The following CYP7B1 variants were observed in gnomAD, a reference collection of about 807,000 sequenced individuals.
The protein encoded by CYP7B1 is cytochrome P450 7B1.
In CYP7B1, 29 loss-of-function variants were observed where a neutral mutation model predicts 42.7. That is an observed-to-expected ratio of 0.68 (90% CI 0.51 to 0.93). The LOEUF (loss-of-function observed/expected upper bound fraction) is 0.93. Among genes scored for constraint, CYP7B1 ranks in the 40% least tolerant of loss-of-function variants. The pLI, the probability that CYP7B1 is intolerant of heterozygous loss-of-function variation, is 0.00. For synonymous variants in CYP7B1, 235 were observed against 218.2 expected (o/e 1.08, Z -0.68); for missense variants, 655 against 600.5 (o/e 1.09, Z -0.95).
chr8:64,634,949 A>G (rs1017475903), intron 1 of CYP7B1, among the ~76,000 whole-genome samples: 5 of 152,166 alleles, frequency 3.3e-5, no homozygotes, highest in Non-Finnish European at 7.3e-5. Flanking sequence ...TCCTTTGACA[A>G]CCTCAGCAGG....
At chr8:64,759,190 T>C (rs1043630113) in intron 1 of CYP7B1, among the ~76,000 whole-genome samples, 5 of 152,200 alleles carry the variant, frequency 3.3e-5, no homozygotes, top group African/African-American at 9.6e-5. Flanking sequence ...TATTCTTAAA[T>C]GTGGCAAACT....
At chr8:64,675,234 T>A (rs1806428001) in intron 1 of CYP7B1, among the ~76,000 whole-genome samples, 2 of 152,052 alleles carry the variant, frequency 1.3e-5, no homozygotes, top group African/African-American at 2.4e-5. Context: ...ACCTAGTCCT[T>A]CTACTAGGTC....
At chr8:64,715,303 C>T (rs187992130) in intron 1 of CYP7B1, among the ~76,000 whole-genome samples, 75 of 152,090 alleles carry the variant, frequency 4.9e-4, no homozygotes, top group Non-Finnish European at 1.8e-4. Context: ...ATCTTTTGGG[C>T]GAAGAGGTGG....
intron 1 of CYP7B1, among the ~76,000 whole-genome samples, chr8:64,684,016 C>T (rs894572945): frequency 8.5e-5 from 13 of 152,300 alleles, no homozygotes; most frequent in African/African-American, 3.1e-4. Context: ...CTCTCCCTTA[C>T]CTTCATTCCT....
At chr8:64,752,140 T>C (rs1204879928) in intron 1 of CYP7B1, among the ~76,000 whole-genome samples, 2 of 150,718 alleles carry the variant, frequency 1.3e-5, no homozygotes, top group East Asian at 3.9e-4. Context: ...TGCCAGCAGA[T>C]GCCACTACCT....
chr8:64,661,198 T>C (rs1196259455), intron 1 of CYP7B1, among the ~76,000 whole-genome samples: 1 of 152,224 alleles, frequency 6.6e-6, no homozygotes, highest in East Asian at 1.9e-4. Flanking sequence ...TCACTGTAAT[T>C]TGCACATATT....
At chr8:64,728,121 T>C (rs1409100016) in intron 1 of CYP7B1, 1 of 152,246 alleles carries the variant, frequency 6.6e-6, no homozygotes, top group Non-Finnish European at 1.5e-5. Context: ...AGGAACTGTC[T>C]CTGCACATAA....
Position 64,615,963 on chromosome 8 carries a change from A to C in CYP7B1, c.578T>G (p.Phe193Cys). The C allele has an allele frequency of 1.2e-6, 2 of 1,613,702 alleles. No homozygotes were observed. Among genetic ancestry groups the C allele is most frequent in the Non-Finnish European group, 8.5e-7 (1 of 1,179,808 alleles). ...AATAACTTTTCCATATATAGTTGTA[A>C]ATGTGATCTCAAATATTATTGAGCT... ...FCSSIIFEIT[F>C]TTIYGKVIVC... is the part of the protein sequence containing the mutation. The change falls in exon 3 of 6, where the codon TTT (phenylalanine) becomes TGT (cysteine). Residue 193 changes from phenylalanine to cysteine, a missense_variant. Physicochemically the swap from Phe to Cys is radical, Grantham distance 205. Transcript: ENST00000310193.
chr8:64,736,870 A>T (rs1366192285), intron 1 of CYP7B1, among the ~76,000 whole-genome samples: 2 of 152,130 alleles, frequency 1.3e-5, no homozygotes, highest in Non-Finnish European at 2.9e-5. Flanking sequence ...TGTCTATAAC[A>T]GATATGTTAT....
At chr8:64,606,977 T>C (rs1343063787) in intron 4 of CYP7B1, among the ~76,000 whole-genome samples, 4 of 152,168 alleles carry the variant, frequency 2.6e-5, no homozygotes, top group African/African-American at 9.7e-5. Context: ...CTACTTGTAG[T>C]TGTCATAGTT....
At chr8:64,611,223 GC>G (rs990733869) in intron 4 of CYP7B1, among the ~76,000 whole-genome samples, 2 of 152,044 alleles carry the variant, frequency 1.3e-5, no homozygotes, top group African/African-American at 4.8e-5. Flanking sequence ...AAAAGCATGG[GC>G]GTGGTCAGAA....
At chr8:64,609,254 T>C (rs945550986) in intron 4 of CYP7B1, among the ~76,000 whole-genome samples, 1 of 152,208 alleles carries the variant, frequency 6.6e-6, no homozygotes, top group African/African-American at 2.4e-5. Context: ...AATTAACATA[T>C]GCAATTACCT....
At chr8:64,623,701 T>C (rs1173204013) in intron 2 of CYP7B1, among the ~76,000 whole-genome samples, 1 of 152,166 alleles carries the variant, frequency 6.6e-6, no homozygotes, top group South Asian at 2.1e-4. Context: ...AAGTCTGAAG[T>C]GCAATGAAAG....
At chr8:64,632,787 C>T (rs1237830451) in intron 1 of CYP7B1, among the ~76,000 whole-genome samples, 1 of 152,000 alleles carries the variant, frequency 6.6e-6, no homozygotes, top group Non-Finnish European at 1.5e-5. Flanking sequence ...AGAAACAAGG[C>T]AATAATGTCC....
intron 1 of CYP7B1, 151 bp from the exon 2 acceptor site, chr8:64,624,690 A>G (rs1401597651): frequency 1.1e-6 from 1 of 932,040 alleles, no homozygotes; most frequent in African/African-American, 1.7e-5. Context: ...TTATATAATC[A>G]TAGACATGAG....
chr8:64,608,710 A>T (rs1805322507), intron 4 of CYP7B1, among the ~76,000 whole-genome samples: 1 of 152,120 alleles, frequency 6.6e-6, no homozygotes, highest in African/African-American at 2.4e-5. Flanking sequence ...AATGGAGTGA[A>T]GCTCATGATG....
chr8:64,674,049 G>C lies in CYP7B1; in HGVS notation c.123-49510C>G, dbSNP rs146773267. On this transcript the variant is annotated intron_variant, in intron 1 of 5. Coordinates refer to ENST00000310193, the MANE Select transcript of CYP7B1 (RefSeq NM_004820.5). Reference sequence around the variant, plus strand: ...TCCCTCCACTTGGCCCTCTGGAACTGAGCAAGGTTTTAGTACCTTGTTGAC... The same window carrying C: ...TCCCTCCACTTGGCCCTCTGGAACTCAGCAAGGTTTTAGTACCTTGTTGAC... Among the ~76,000 whole-genome samples, 29 of 152,146 alleles carry C rather than the reference G, an allele frequency of 1.9e-4. No individual in the cohort carries two copies. The East Asian group carries it at 5.2e-3, about 27-fold the overall frequency.
intron 1 of CYP7B1, among the ~76,000 whole-genome samples, chr8:64,748,993 C>A (rs1367348810): frequency 6.6e-6 from 1 of 152,136 alleles, no homozygotes; most frequent in Admixed American, 6.5e-5. Context: ...ACCTAATATG[C>A]AGAAAGGATT....
At chr8:64,797,690 A>G (rs1351971825) in intron 1 of CYP7B1, among the ~76,000 whole-genome samples, 2 of 152,228 alleles carry the variant, frequency 1.3e-5, no homozygotes, top group South Asian at 2.1e-4. Flanking sequence ...ATACATACAT[A>G]TATCAATTAT....
Sources: gnomAD v4.1 joint callset for allele counts (sites outside exome capture counted in the v4.1 genomes callset) on GRCh38, gnomAD v4.1.1 for gene constraint, MANE v1.5 for transcripts, NCBI Gene and HGNC (gene_info 2026-07-23, HGNC 2026-07-21) for gene names.